Variants in FAAH2 observed in about 807,000 individuals in gnomAD.
FAAH2 encodes fatty-acid amide hydrolase 2.
FAAH2 carries 60 observed loss-of-function variants against 36.9 expected under a neutral mutation model. The observed-to-expected ratio is 1.63, with a 90% CI of 1.32 to 2.02. FAAH2 has a LOEUF of 2.02. Ranked by LOEUF, FAAH2 falls within the 30% of genes most tolerant of loss-of-function variation. FAAH2 has a pLI of 0.00. For missense variants in FAAH2, 689 were observed against 397.5 expected, an observed-to-expected ratio of 1.73 and a Z score of -6.23; for synonymous variants, 214 against 143.8, an observed-to-expected ratio of 1.49 and a Z score of -3.49.
At chrX:57,371,740 A>G (rs1360211897) in intron 5 of FAAH2, among the ~76,000 whole-genome samples, 1 of 110,697 alleles carries the variant, frequency 9.0e-6, no homozygotes, top group African/African-American at 3.3e-5. Context: ...GGTATGATTG[A>G]ACCTGTTACC....
chrX:57,144,903 T>C, the FAAH2 span, among the ~76,000 whole-genome samples: 6 of 93,382 alleles, frequency 6.4e-5, no homozygotes, highest in Non-Finnish European at 1.2e-4. Context: ...TATATATGTA[T>C]GTATATGTAT....
the FAAH2 span, among the ~76,000 whole-genome samples, chrX:57,173,152 G>T: frequency 8.9e-6 from 1 of 111,847 alleles, no homozygotes; most frequent in East Asian, 2.8e-4. Context: ...CATTGCATCT[G>T]TAGATTGCTT....
chrX:57,439,236 T>C (rs1233855352), intron 8 of FAAH2, among the ~76,000 whole-genome samples: 1 of 109,668 alleles, frequency 9.1e-6, no homozygotes, highest in Non-Finnish European at 1.9e-5. Context: ...AAAGTGTTCC[T>C]ATTTCTCCAC....
At chrX:57,154,688 C>A in the FAAH2 span, among the ~76,000 whole-genome samples, 1 of 110,895 alleles carries the variant, frequency 9.0e-6, no homozygotes, top group African/African-American at 3.3e-5. Flanking sequence ...TCAGGGATTT[C>A]TTGGTTTGTA....
the FAAH2 span, among the ~76,000 whole-genome samples, chrX:57,185,226 C>A: frequency 9.0e-6 from 1 of 110,695 alleles, no homozygotes; most frequent in Non-Finnish European, 1.9e-5. Flanking sequence ...AACTGCCCAC[C>A]CCTCAGCCCC....
At chrX:57,473,679 A>C (rs2057210717) in intron 10 of FAAH2, among the ~76,000 whole-genome samples, 1 of 111,492 alleles carries the variant, frequency 9.0e-6, no homozygotes, top group Non-Finnish European at 1.9e-5. Context: ...TATATTTTTT[A>C]TAAATCTGGA....
At chrX:57,345,284 G>GT (rs933628532) in intron 5 of FAAH2, among the ~76,000 whole-genome samples, 7 of 108,334 alleles carry the variant, frequency 6.5e-5, no homozygotes, top group South Asian at 4.0e-4. Context: ...GCATTGGTAG[G>GT]TTTTTTTTAA....
chrX:57,255,843 G>A, the FAAH2 span, among the ~76,000 whole-genome samples: 1 of 111,720 alleles, frequency 9.0e-6, no homozygotes, highest in Admixed American at 9.5e-5. Flanking sequence ...AAAACTGGAA[G>A]CATTTCCTTG....
At chrX:57,378,629 A>T in intron 5 of FAAH2, 22 bp from the exon 6 acceptor site, 1 of 1,210,023 alleles carries the variant, frequency 8.3e-7, no homozygotes, top group Non-Finnish European at 1.1e-6. Context: ...TGGGCGGCTA[A>T]CCTGACTGTC....
intron 2 of FAAH2, among the ~76,000 whole-genome samples, chrX:57,295,334 T>G (rs1012200409): frequency 8.9e-6 from 1 of 112,263 alleles, no homozygotes; most frequent in Admixed American, 9.4e-5. Context: ...GCAGGCAAAC[T>G]GGAAGAAACA....
At chrX:57,232,967 A>T in the FAAH2 span, among the ~76,000 whole-genome samples, 1 of 112,444 alleles carries the variant, frequency 8.9e-6, no homozygotes, top group African/African-American at 3.2e-5. Context: ...AAACAAAAAC[A>T]TCACTGAAGT....
intron 2 of FAAH2, among the ~76,000 whole-genome samples, chrX:57,302,608 G>T (rs1452872422): frequency 1.8e-5 from 2 of 111,207 alleles, no homozygotes; most frequent in Non-Finnish European, 3.8e-5. Flanking sequence ...AAGGCTTTCT[G>T]GAGAAAGTGA....
the FAAH2 span, among the ~76,000 whole-genome samples, chrX:57,206,892 GGAACTATGT>G: frequency 9.0e-6 from 1 of 111,354 alleles, no homozygotes; most frequent in African/African-American, 3.3e-5. Context: ...GGAAAATATT[GGAACTATGT>G]GTCCTTTTTC....
the FAAH2 span, among the ~76,000 whole-genome samples, chrX:57,249,573 GA>G: frequency 1.8e-5 from 2 of 111,794 alleles, no homozygotes; most frequent in Admixed American, 1.9e-4. Context: ...AGCAAGTGCT[GA>G]AAAAAATCTT....
At chrX:57,306,994 G>GATGTATATATATATATATATATAT (rs2052556322) in intron 2 of FAAH2, among the ~76,000 whole-genome samples, 1 of 31,023 alleles carries the variant, frequency 3.2e-5, no homozygotes, top group Non-Finnish European at 7.3e-5. Context: ...CACACACACA[G>GATGTATATATATATATATATATAT]ATACATATAT....
At chrX:57,253,261 G>A in the FAAH2 span, among the ~76,000 whole-genome samples, 2 of 110,526 alleles carry the variant, frequency 1.8e-5, no homozygotes, top group African/African-American at 6.6e-5. Flanking sequence ...AAGAAAAATG[G>A]GACTATGTGG....
At chrX:57,197,434 G>T in the FAAH2 span, among the ~76,000 whole-genome samples, 1 of 111,333 alleles carries the variant, frequency 9.0e-6, no homozygotes, top group African/African-American at 3.3e-5. Context: ...TTTTGGGGAT[G>T]TTAAAGAACT....
the FAAH2 span, among the ~76,000 whole-genome samples, chrX:57,160,049 C>T: frequency 8.9e-6 from 1 of 111,833 alleles, no homozygotes; most frequent in Admixed American, 9.5e-5. Context: ...TAGCATGAAG[C>T]ATTGCTGAAT....
At chrX:57,447,943 G>T (rs145952928) in intron 9 of FAAH2, among the ~76,000 whole-genome samples, 1 of 111,937 alleles carries the variant, frequency 8.9e-6, no homozygotes, top group African/African-American at 3.2e-5. Context: ...TTAGAAAATG[G>T]GTTTTTCTTT....
Sources: gnomAD v4.1 joint callset for allele counts (sites outside exome capture counted in the v4.1 genomes callset) on GRCh38, gnomAD v4.1.1 for gene constraint, MANE v1.5 for transcripts, NCBI Gene and HGNC (gene_info 2026-07-23, HGNC 2026-07-21) for gene names.